Variants in MOBP observed in about 807,000 individuals in gnomAD.
MOBP encodes the protein myelin-associated oligodendrocyte basic protein.
In MOBP, 5 loss-of-function variants were observed where a neutral mutation model predicts 15.0. The ratio of observed to expected loss-of-function variants is 0.33; its 90% CI spans 0.17 to 0.70. MOBP has a LOEUF of 0.70. Ranked by LOEUF, MOBP falls within the 30% of genes least tolerant of loss-of-function variation. The pLI is 0.67. For missense variants in MOBP, 188 were observed against 257.8 expected (o/e 0.73, Z 1.85); for synonymous variants, 88 against 99.0 (o/e 0.89, Z 0.66).
chr3:39,494,781 A>ACCC (rs2042851051), intron 2 of MOBP, among the ~76,000 whole-genome samples: 1 of 75,922 alleles, frequency 1.3e-5, no homozygotes, highest in African/African-American at 4.4e-5. Context: ...ATATTTTCAA[A>ACCC]GCCCCCCCCC....
At chr3:39,527,301 A>G (rs2043334244), downstream of MOBP, 1 of 152,234 alleles carries the variant, frequency 6.6e-6, no homozygotes, top group Non-Finnish European at 1.5e-5. Context: ...CTAGTAAGAG[A>G]AAAAATATAA....
chr3:39,468,795 T>TATATATAC (rs1553616115), intron 1 of MOBP, among the ~76,000 whole-genome samples: 1 of 104,554 alleles, frequency 9.6e-6, no homozygotes, highest in Non-Finnish European at 1.8e-5. Context: ...CATGTGTGTG[T>TATATATAC]ATATATACAT....
intron 1 of MOBP, among the ~76,000 whole-genome samples, chr3:39,471,736 G>C (rs1559413279): frequency 1.3e-5 from 2 of 152,206 alleles, no homozygotes; most frequent in East Asian, 3.9e-4. Flanking sequence ...ATTCAGCTCT[G>C]CATTACCTGC....
chr3:39,497,055 G>A (rs1186466652), intron 2 of MOBP, among the ~76,000 whole-genome samples: 8 of 151,962 alleles, frequency 5.3e-5, no homozygotes, highest in African/African-American at 1.5e-4. Context: ...TGTCTGCCTC[G>A]GCCTCCCAAA....
chr3:39,468,906 CAT>C lies in MOBP; in HGVS notation c.-89+1169_-89+1170del, dbSNP rs1421601410. Among the ~76,000 whole-genome samples, 5 of 104,042 alleles carry C rather than the reference CAT, an allele frequency of 4.8e-5. 1 individual carries two copies. Among genetic ancestry groups the C allele is most frequent in the Non-Finnish European group, 7.0e-5 (4 of 57,264 alleles). 68.3% of individuals were successfully genotyped at this position (104,042 alleles called of 152,430 possible). On this transcript the variant is annotated intron_variant, in intron 1 of 3. Coordinates refer to ENST00000684792, the MANE Select transcript of MOBP (RefSeq NM_001393704.1). ...ATGTGTGTGTATATATACATATATA[CAT>C]ATGAGTGTGTATATATACATATATA...
At chr3:39,528,821 T>G (rs1055317474), downstream of MOBP, 2 of 152,272 alleles carry the variant, frequency 1.3e-5, no homozygotes, top group Non-Finnish European at 2.9e-5. Context: ...TTTCCTAGTC[T>G]TTCAGCAGCA....
chr3:39,494,389 G>A (rs2042842656), intron 2 of MOBP, among the ~76,000 whole-genome samples: 1 of 151,938 alleles, frequency 6.6e-6, no homozygotes, highest in Admixed American at 6.6e-5. Context: ...TTCTTTGAAT[G>A]CTTACTTCAC....
intron 4 of MOBP, among the ~76,000 whole-genome samples, chr3:39,510,724 CA>C (rs2043108738): frequency 6.6e-6 from 1 of 152,132 alleles, no homozygotes; most frequent in Admixed American, 6.5e-5. Context: ...TTCTATACTG[CA>C]AATTATGTTG....
intron 1 of MOBP, among the ~76,000 whole-genome samples, chr3:39,474,589 G>A (rs1044237731): frequency 6.6e-6 from 1 of 152,118 alleles, no homozygotes; most frequent in Non-Finnish European, 1.5e-5. Context: ...TATGGCAGAC[G>A]ACTATACATG....
intron 2 of MOBP, among the ~76,000 whole-genome samples, chr3:39,496,086 A>G (rs1272894758): frequency 6.6e-6 from 1 of 152,154 alleles, no homozygotes; most frequent in Admixed American, 6.5e-5. Context: ...ACTTTTTATT[A>G]ACTGTATATT....
downstream of MOBP, chr3:39,526,078 A>C (rs2043320569): frequency 6.6e-6 from 1 of 152,242 alleles, no homozygotes; most frequent in South Asian, 2.1e-4. Context: ...GACCACTGTA[A>C]GTGAGAACAA....
intron 1 of MOBP, among the ~76,000 whole-genome samples, chr3:39,479,449 T>G (rs980600971): frequency 6.6e-6 from 1 of 151,368 alleles, no homozygotes; most frequent in African/African-American, 2.4e-5. Flanking sequence ...TAATAAGGAA[T>G]GGGACCAAAG....
exon 5 of MOBP, chr3:39,513,708 GTC>G: frequency 4.9e-6 from 2 of 407,002 alleles, no homozygotes; most frequent in Non-Finnish European, 8.7e-6. Context: ...TTCACCTGCA[GTC>G]CTTTCTTCTC....
At chr3:39,515,165 G>A (rs1476465123) in exon 5 of MOBP, 1 of 152,370 alleles carries the variant, frequency 6.6e-6, no homozygotes, top group Non-Finnish European at 1.5e-5. Context: ...CCCTTCAGGG[G>A]CCTGGCCTTG....
At chr3:39,516,693 A>G (rs991853806), downstream of MOBP, among the ~76,000 whole-genome samples, 1 of 152,234 alleles carries the variant, frequency 6.6e-6, no homozygotes, top group Non-Finnish European at 1.5e-5. Context: ...AAAATTCAAG[A>G]TAACATTTTG....
chr3:39,496,199 C>CTTTTTTTTTTTTTTTT (rs539988699), intron 2 of MOBP, among the ~76,000 whole-genome samples: 1 of 144,378 alleles, frequency 6.9e-6, no homozygotes, highest in African/African-American at 2.5e-5. Flanking sequence ...TCTTTTTTTT[C>CTTTTTTTTTTTTTTTT]TTTTTTTTTT....
chr3:39,477,673 G>A (rs1055144450), intron 1 of MOBP, among the ~76,000 whole-genome samples: 1 of 149,406 alleles, frequency 6.7e-6, no homozygotes, highest in Admixed American at 6.6e-5. Context: ...TGTTCCAGAA[G>A]AAGACATTGT....
At chr3:39,468,936 T>TAGTGTGTATATATACATATATACATATG (rs747899949) in intron 1 of MOBP, among the ~76,000 whole-genome samples, 2 of 54,034 alleles carry the variant, frequency 3.7e-5, no homozygotes, top group Non-Finnish European at 6.2e-5. Flanking sequence ...CATATATACA[T>TAGTGTGTATATATACATATATACATATG]TGTGTGTATA....
intron 4 of MOBP, among the ~76,000 whole-genome samples, chr3:39,512,450 T>G (rs1171514805): frequency 6.6e-6 from 1 of 152,328 alleles, no homozygotes; most frequent in South Asian, 2.1e-4. Flanking sequence ...TGTTCCAACC[T>G]TTCAGGCTAC....
Sources: allele counts gnomAD v4.1 joint callset (sites outside exome capture counted in the v4.1 genomes callset), GRCh38; gene constraint gnomAD v4.1.1; transcripts MANE v1.5; gene names NCBI Gene and HGNC (gene_info 2026-07-23, HGNC 2026-07-21).